CTNNA3: variants seen among roughly 807,000 people sequenced by gnomAD.
CTNNA3 encodes the protein catenin alpha 3.
A neutral mutation model predicts 95.7 loss-of-function variants in CTNNA3; 76 were observed. The observed-to-expected ratio is 0.79, with a 90% confidence interval of 0.66 to 0.96. The LOEUF (loss-of-function observed/expected upper bound fraction) is 0.96. Among genes scored for constraint, CTNNA3 ranks in the 40% least tolerant of loss-of-function variants. The pLI, the probability that CTNNA3 is intolerant of heterozygous loss-of-function variation, is 0.00. For synonymous variants in CTNNA3, 431 were observed against 374.4 expected, an observed-to-expected ratio of 1.15 and a Z score of -1.74; for missense variants, 1,191 against 1,089.8, an observed-to-expected ratio of 1.09 and a Z score of -1.31.
At chr10:66,146,224 G>A (rs1217087096) in intron 13 of CTNNA3, among the ~76,000 whole-genome samples, 1 of 152,024 alleles carries the variant, frequency 6.6e-6, no homozygotes, top group African/African-American at 2.4e-5. Flanking sequence ...TCAAAATACT[G>A]GCCCTTCCAG....
chr10:67,287,950 A>G (rs1839675749), intron 5 of CTNNA3, among the ~76,000 whole-genome samples: 1 of 152,204 alleles, frequency 6.6e-6, no homozygotes, highest in Admixed American at 6.5e-5. Flanking sequence ...TTTGCAGTCA[A>G]TTTAGCCCCT....
intron 5 of CTNNA3, among the ~76,000 whole-genome samples, chr10:67,302,021 AAGAAAGAAAGAAAGAAAG>A (rs1840326459): frequency 3.8e-5 from 1 of 26,318 alleles, no homozygotes; most frequent in African/African-American, 2.4e-4. Flanking sequence ...GAAAGAAAGA[AAGAAAGAAAGAAAGAAAG>A]AAAGAAAGAA....
At chr10:66,127,564 C>G (rs753323876) in intron 13 of CTNNA3, among the ~76,000 whole-genome samples, 1 of 151,836 alleles carries the variant, frequency 6.6e-6, no homozygotes, top group Non-Finnish European at 1.5e-5. Context: ...ACTGTCACAG[C>G]CAAGAAAAGA....
At chr10:66,953,545 C>T (rs910900249) in intron 7 of CTNNA3, among the ~76,000 whole-genome samples, 1 of 152,100 alleles carries the variant, frequency 6.6e-6, no homozygotes, top group Non-Finnish European at 1.5e-5. Context: ...AACAGTCTTA[C>T]TGGCACACCA....
At chr10:66,726,489 G>C (rs1342242597) in intron 9 of CTNNA3, among the ~76,000 whole-genome samples, 2 of 152,060 alleles carry the variant, frequency 1.3e-5, no homozygotes, top group East Asian at 3.8e-4. Context: ...CAGTTGGCTA[G>C]TCTGGCCAAT....
intron 15 of CTNNA3, among the ~76,000 whole-genome samples, chr10:65,991,408 T>G (rs1245486593): frequency 6.6e-6 from 1 of 152,032 alleles, no homozygotes; most frequent in Non-Finnish European, 1.5e-5. Flanking sequence ...GAAATATATT[T>G]TTTATTTTTT....
chr10:67,442,038 A>G (rs1432490135), intron 5 of CTNNA3, among the ~76,000 whole-genome samples: 1 of 152,180 alleles, frequency 6.6e-6, no homozygotes, highest in African/African-American at 2.4e-5. Context: ...GTGCAATAAG[A>G]CCTAAGAGAA....
chr10:66,702,707 CAAAAA>C (rs36140474), intron 9 of CTNNA3, among the ~76,000 whole-genome samples: 1 of 81,242 alleles, frequency 1.2e-5, no homozygotes, highest in African/African-American at 5.1e-5. Context: ...AACTCCACCT[CAAAAA>C]AAAAAAAAAA....
At chr10:67,313,599 T>A (rs2132532521) in intron 5 of CTNNA3, among the ~76,000 whole-genome samples, 1 of 152,258 alleles carries the variant, frequency 6.6e-6, no homozygotes, top group African/African-American at 2.4e-5. Context: ...TTATGTAATT[T>A]GTGCTAGAGA....
chr10:66,102,202 C>T (rs1357667901), intron 14 of CTNNA3, among the ~76,000 whole-genome samples: 1 of 151,970 alleles, frequency 6.6e-6, no homozygotes, highest in African/African-American at 2.4e-5. Flanking sequence ...TTTATGTCAC[C>T]GAATTTAACT....
At chr10:66,224,708 G>C (rs1589780320) in intron 13 of CTNNA3, among the ~76,000 whole-genome samples, 1 of 152,136 alleles carries the variant, frequency 6.6e-6, no homozygotes, top group African/African-American at 2.4e-5. Context: ...AAGGAAGGAT[G>C]TGGCTTTCTT....
At chr10:66,949,179 A>C (rs375836804) in intron 7 of CTNNA3, among the ~76,000 whole-genome samples, 136 of 152,348 alleles carry the variant, frequency 8.9e-4, no homozygotes, top group South Asian at 1.7e-3. Flanking sequence ...ATTTATTCAA[A>C]TATATATTTT....
intron 12 of CTNNA3, among the ~76,000 whole-genome samples, chr10:66,318,276 A>ATATATGTGTGTG (rs33943741): frequency 0.072 from 9,846 of 136,376 alleles, 485 homozygotes; most frequent in East Asian, 0.17. Flanking sequence ...ATATATATAT[A>ATATATGTGTGTG]TGTGTGTGTG....
At chr10:66,973,239 A>C (rs1040198026) in intron 7 of CTNNA3, among the ~76,000 whole-genome samples, 1 of 152,334 alleles carries the variant, frequency 6.6e-6, no homozygotes, top group Admixed American at 6.5e-5. Context: ...TTGAAATAAA[A>C]CAGTATTGAG....
intron 15 of CTNNA3, among the ~76,000 whole-genome samples, chr10:66,036,247 C>G (rs1028394380): frequency 3.9e-5 from 6 of 152,184 alleles, no homozygotes; most frequent in African/African-American, 1.4e-4. Context: ...TCAAACAGCT[C>G]ACGGCAGAAT....
intron 5 of CTNNA3, among the ~76,000 whole-genome samples, chr10:67,306,676 A>G (rs10762164): frequency 0.3 from 46,239 of 152,040 alleles, 11,583 homozygotes; most frequent in African/African-American, 0.69. Flanking sequence ...GCTCCTCAGA[A>G]TTTCTTCTCC....
chr10:66,427,074 C>A (rs975031595), intron 11 of CTNNA3, among the ~76,000 whole-genome samples: 1 of 151,712 alleles, frequency 6.6e-6, no homozygotes, highest in Non-Finnish European at 1.5e-5. Flanking sequence ...TCAATATATA[C>A]TTTTGTTGAT....
At chr10:66,586,291 G>T (rs529187127) in intron 10 of CTNNA3, among the ~76,000 whole-genome samples, 1 of 152,210 alleles carries the variant, frequency 6.6e-6, no homozygotes, top group African/African-American at 2.4e-5. Context: ...GCTAAAGCGG[G>T]TGGGTAAATG....
rs559069291 is a variant in CTNNA3 at position 67,005,305 on chromosome 10, G to A, written c.1047+175012C>T. 1.3e-4 allele frequency among the ~76,000 whole-genome samples: 20 copies of A among 152,174 alleles called. No homozygotes were observed. The South Asian group carries it at 4.1e-3, about 32-fold the overall frequency. On this transcript the variant is annotated intron_variant, in intron 7 of 17. Coordinates refer to ENST00000433211, the MANE Select transcript of CTNNA3 (RefSeq NM_013266.4). ...CATCTTTACCAACCTCCTCATCAAT[G>A]TGGAAGAGGCATAATTGAAGGGAGA...
Sources: allele counts gnomAD v4.1 joint callset (sites outside exome capture counted in the v4.1 genomes callset), GRCh38; gene constraint gnomAD v4.1.1; transcripts MANE v1.5; gene names NCBI Gene and HGNC (gene_info 2026-07-23, HGNC 2026-07-21).